GPC5: variants seen among roughly 807,000 people sequenced by gnomAD.
GPC5 encodes glypican-5.
In GPC5, 47 loss-of-function variants were observed where a neutral mutation model predicts 53.9. That is an observed-to-expected ratio of 0.87 (90% confidence interval 0.69 to 1.11). GPC5 has a LOEUF of 1.11. Ranked by LOEUF, GPC5 falls within the 50% of genes most tolerant of loss-of-function variation. The pLI is 0.00. For synonymous variants in GPC5, 286 were observed against 263.3 expected (o/e 1.09, Z -0.84); for missense variants, 748 against 713.1 (o/e 1.05, Z -0.56).
intron 7 of GPC5, among the ~76,000 whole-genome samples, chr13:92,329,444 C>T (rs2043273853): frequency 6.6e-6 from 1 of 152,076 alleles, no homozygotes; most frequent in Admixed American, 6.6e-5. Flanking sequence ...GTGCTAAGCC[C>T]TCATAAGGGA....
At chr13:92,084,303 T>A (rs1263093437) in intron 6 of GPC5, among the ~76,000 whole-genome samples, 1 of 152,192 alleles carries the variant, frequency 6.6e-6, no homozygotes, top group Non-Finnish European at 1.5e-5. Context: ...AACATATCAG[T>A]TTTTTTAAAT....
chr13:91,867,693 A>G (rs933923777), intron 5 of GPC5, among the ~76,000 whole-genome samples: 1 of 152,228 alleles, frequency 6.6e-6, no homozygotes, highest in Admixed American at 6.5e-5. Flanking sequence ...GTGCTTTGTT[A>G]TTGATTTAAT....
intron 2 of GPC5, among the ~76,000 whole-genome samples, chr13:91,661,894 A>G (rs992001193): frequency 3.3e-5 from 5 of 152,192 alleles, no homozygotes; most frequent in African/African-American, 1.2e-4. Flanking sequence ...TGTTACTTCA[A>G]GTGGAGTGGG....
At chr13:92,369,563 CTGAA>C (rs2043633947) in intron 7 of GPC5, among the ~76,000 whole-genome samples, 1 of 152,138 alleles carries the variant, frequency 6.6e-6, no homozygotes, top group Non-Finnish European at 1.5e-5. Context: ...TAAGCAAAGC[CTGAA>C]TGAATGATAC....
intron 3 of GPC5, among the ~76,000 whole-genome samples, chr13:91,721,493 A>AT (rs533623137): frequency 1.3e-5 from 2 of 151,850 alleles, no homozygotes; most frequent in Non-Finnish European, 1.5e-5. Context: ...CCAGTGTGAT[A>AT]TTTTTTTTGA....
chr13:91,970,628 A>G (rs1358650784), intron 6 of GPC5, among the ~76,000 whole-genome samples: 1 of 152,178 alleles, frequency 6.6e-6, no homozygotes, highest in Non-Finnish European at 1.5e-5. Context: ...AAAGCAAAAA[A>G]ATAGTGAAAA....
At chr13:91,805,695 C>A (rs1410316508) in intron 5 of GPC5, among the ~76,000 whole-genome samples, 2 of 152,138 alleles carry the variant, frequency 1.3e-5, no homozygotes, top group African/African-American at 4.8e-5. Context: ...GTGTTATTCC[C>A]ACTTCAAATT....
chr13:91,846,033 T>C (rs1430587236), intron 5 of GPC5, among the ~76,000 whole-genome samples: 1 of 152,118 alleles, frequency 6.6e-6, no homozygotes, highest in East Asian at 1.9e-4. Context: ...TTTCTTTCCT[T>C]TTGGCAGAAA....
intron 7 of GPC5, among the ~76,000 whole-genome samples, chr13:92,608,393 T>A (rs971848552): frequency 1.3e-5 from 2 of 152,196 alleles, no homozygotes; most frequent in African/African-American, 4.8e-5. Flanking sequence ...CTCCACCCAT[T>A]GCTCTTGTCT....
intron 7 of GPC5, among the ~76,000 whole-genome samples, chr13:92,622,282 A>G (rs761010507): frequency 3.3e-5 from 5 of 152,170 alleles, no homozygotes; most frequent in Non-Finnish European, 7.3e-5. Context: ...ACATCGCCAC[A>G]GGTCTGGGTT....
chr13:91,544,346 C>T (rs1193517938), intron 2 of GPC5, among the ~76,000 whole-genome samples: 12 of 151,970 alleles, frequency 7.9e-5, no homozygotes, highest in African/African-American at 1.5e-4. Flanking sequence ...TTCTAATTTT[C>T]TTGAAAATAC....
intron 7 of GPC5, among the ~76,000 whole-genome samples, chr13:92,311,461 T>C (rs1479122656): frequency 6.6e-6 from 1 of 152,182 alleles, no homozygotes; most frequent in Non-Finnish European, 1.5e-5. Context: ...TTGGTCTCAA[T>C]GCTACTTGTA....
chr13:91,988,964 A>G (rs984678987), intron 6 of GPC5, among the ~76,000 whole-genome samples: 7 of 151,968 alleles, frequency 4.6e-5, no homozygotes, highest in African/African-American at 1.4e-4. Context: ...TTAATTGTAC[A>G]TATAGAACAC....
At chr13:92,445,711 A>G (rs1877788840) in intron 7 of GPC5, among the ~76,000 whole-genome samples, 2 of 151,672 alleles carry the variant, frequency 1.3e-5, no homozygotes, top group Admixed American at 1.3e-4. Flanking sequence ...AATCCAGTCT[A>G]TCATTGTTGG....
chr13:92,407,729 G>T lies in GPC5; in HGVS notation c.1561+262740G>T, dbSNP rs1441548297. Among the ~76,000 whole-genome samples, 4 of 151,976 alleles carry T rather than the reference G, an allele frequency of 2.6e-5. No individual in the cohort carries two copies. In the East Asian group the frequency reaches 7.7e-4, roughly 29 times the overall value. ...TACTCTCAAACAAAATTCTTTTAAA[G>T]ACTTGAGGAAAAATAGAAATCTAAT... On this transcript the variant is annotated intron_variant, in intron 7 of 7. Transcript: ENST00000377067.
At chr13:91,652,185 C>G (rs1594383180) in intron 2 of GPC5, among the ~76,000 whole-genome samples, 2 of 152,182 alleles carry the variant, frequency 1.3e-5, no homozygotes, top group African/African-American at 4.8e-5. Flanking sequence ...ATGTTTTCCA[C>G]CTACAAATCT....
At chr13:91,473,096 T>A (rs1882728118) in intron 2 of GPC5, among the ~76,000 whole-genome samples, 1 of 151,762 alleles carries the variant, frequency 6.6e-6, no homozygotes, top group African/African-American at 2.4e-5. Flanking sequence ...AAGGTGAGAG[T>A]GTGAGCATGT....
chr13:92,772,422 G>A (rs1875647860), intron 7 of GPC5, among the ~76,000 whole-genome samples: 1 of 152,138 alleles, frequency 6.6e-6, no homozygotes, highest in South Asian at 2.1e-4. Context: ...CTCTAACCAT[G>A]GGGCCTTTGC....
chr13:92,351,225 C>T (rs1330415726), intron 7 of GPC5, among the ~76,000 whole-genome samples: 1 of 151,532 alleles, frequency 6.6e-6, no homozygotes, highest in East Asian at 1.9e-4. Flanking sequence ...AAATAAATAA[C>T]AAACGTACAA....
Sources: gnomAD v4.1 joint callset for allele counts (sites outside exome capture counted in the v4.1 genomes callset) on GRCh38, gnomAD v4.1.1 for gene constraint, MANE v1.5 for transcripts, NCBI Gene and HGNC (gene_info 2026-07-23, HGNC 2026-07-21) for gene names.